Variants in EP300 observed in about 807,000 individuals in gnomAD.
EP300 encodes the protein histone acetyltransferase p300.
A neutral mutation model predicts 264.0 loss-of-function variants in EP300; 31 were observed. The observed-to-expected ratio is 0.12, with a 90% CI of 0.09 to 0.16. EP300 has a LOEUF of 0.16. EP300 is among the 10% of genes least tolerant of loss of function. The pLI is 1.00. For synonymous variants in EP300, 1,340 were observed against 1,045.4 expected (o/e 1.28, Z -5.44); for missense variants, 2,766 against 3,052.9 (o/e 0.91, Z 2.21).
intron 2 of EP300, among the ~76,000 whole-genome samples, chr22:41,119,841 G>A (rs1313474215): frequency 2.0e-5 from 3 of 152,110 alleles, no homozygotes; most frequent in Admixed American, 6.6e-5. Context: ...TTTTGAGACC[G>A]AGTCTTGCTG....
intron 1 of EP300, among the ~76,000 whole-genome samples, chr22:41,108,622 C>T (rs1265963984): frequency 2.6e-5 from 4 of 151,984 alleles, no homozygotes; most frequent in Non-Finnish European, 5.9e-5. Context: ...ACTCAGTGTA[C>T]ACTCAGATGA....
rs1486483455 is a variant in EP300 at position 41,179,034 on chromosome 22, G to T, written c.*78G>T. 5 of 1,557,244 alleles carry T rather than the reference G, an allele frequency of 3.2e-6. No homozygotes were observed. Among genetic ancestry groups the T allele is most frequent in the African/African-American group, 2.7e-5 (2 of 73,620 alleles). ...TTTTTGTACTGAAAACAATTTTTTTGAATCTTTCGTAGCCTAAAAGACAAT... is the reference window on the plus strand; with the variant it reads ...TTTTTGTACTGAAAACAATTTTTTTTAATCTTTCGTAGCCTAAAAGACAAT... On this transcript the variant is annotated 3_prime_UTR_variant, in exon 31 of 31. Coordinates refer to ENST00000263253, the MANE Select transcript of EP300 (RefSeq NM_001429.4).
intron 1 of EP300, among the ~76,000 whole-genome samples, chr22:41,104,586 G>A (rs1203519389): frequency 1.3e-5 from 2 of 151,894 alleles, no homozygotes; most frequent in Non-Finnish European, 2.9e-5. Context: ...CACCATGTCC[G>A]GCCTCATGTA....
At chr22:41,098,093 C>T (rs144348223) in intron 1 of EP300, among the ~76,000 whole-genome samples, 2,680 of 152,120 alleles carry the variant, frequency 0.018, 72 homozygotes, top group African/African-American at 0.062. Flanking sequence ...TGGTGTGCTG[C>T]ACCCATTAAC....
chr22:41,168,123 C>G (rs2059150792), intron 23 of EP300: 1 of 364,650 alleles, frequency 2.7e-6, no homozygotes, highest in South Asian at 2.2e-5. Flanking sequence ...CACCCGGCCC[C>G]TGTTCTGTAT....
intron 2 of EP300, among the ~76,000 whole-genome samples, chr22:41,123,968 G>A (rs889726895): frequency 2.0e-5 from 3 of 152,136 alleles, no homozygotes; most frequent in African/African-American, 7.2e-5. Flanking sequence ...TACAGAGGGA[G>A]CCGGCACAGT....
At position 41,179,073 on chromosome 22, in the gene EP300, C is replaced by A; in HGVS notation, c.*117C>A. ...CTAAAAGACAATTTTCCTTGGAACA[C>A]ATAAGAACTGTGCAGTAGCCGTTTG... On this transcript the variant is annotated 3_prime_UTR_variant, in exon 31 of 31. Transcript: ENST00000263253. The A allele has an allele frequency of 8.0e-7, 1 of 1,250,492 alleles. No homozygotes were observed. The highest frequency in any genetic ancestry group is 1.1e-6 in the Non-Finnish European group (1 of 891,092). 77.5% of individuals were successfully genotyped at this position (1,250,492 alleles called of 1,614,324 possible).
intron 23 of EP300, among the ~76,000 whole-genome samples, chr22:41,167,826 G>GT (rs1192332279): frequency 0.03 from 947 of 32,060 alleles, 177 homozygotes; most frequent in Non-Finnish European, 0.034. Context: ...TTTTTTTTTT[G>GT]TTTTTTTTTT....
At chr22:41,094,358 C>A (rs1265761622) in intron 1 of EP300, among the ~76,000 whole-genome samples, 1 of 152,158 alleles carries the variant, frequency 6.6e-6, no homozygotes, top group African/African-American at 2.4e-5. Flanking sequence ...TCTAAATAGG[C>A]TTCATTTCAG....
chr22:41,105,198 GAAAAAAAAAAA>G (rs764225630), intron 1 of EP300, among the ~76,000 whole-genome samples: 1 of 60,938 alleles, frequency 1.6e-5, no homozygotes. Flanking sequence ...CTCCATCTCA[GAAAAAAAAAAA>G]AAAAAAAAAA....
intron 22 of EP300, 84 bp from the exon 23 acceptor site, chr22:41,166,515 T>TC: frequency 9.3e-7 from 1 of 1,076,402 alleles, no homozygotes; most frequent in Non-Finnish European, 1.4e-6. Context: ...TTCTGCTAGA[T>TC]TGTCTTTTGA....
In EP300 at chr22:41,176,248, T is replaced by C. The variant is rs2145512015; in HGVS notation, c.4781T>C (p.Val1594Ala). The change falls in exon 30 of 31, where the codon GTC becomes GCC. Residue 1594 changes from valine to alanine, a missense_variant and splice_region_variant. Coordinates refer to ENST00000263253, the MANE Select transcript of EP300 (RefSeq NM_001429.4). Reference protein sequence around the residue: ...LYATMEKHKEVFFVIRLIAGP... With the variant: ...LYATMEKHKEAFFVIRLIAGP... Reference sequence around the variant, plus strand: ...AAAAAGAGACTGTCTGTTTTTCAGGTCTTCTTTGTGATCCGCCTCATTGCT... The same window carrying C: ...AAAAAGAGACTGTCTGTTTTTCAGGCCTTCTTTGTGATCCGCCTCATTGCT... 6.2e-7 allele frequency: 1 copy of C among 1,614,128 alleles called. No homozygotes were observed. The highest frequency in any genetic ancestry group is 8.5e-7 in the Non-Finnish European group (1 of 1,180,014).
At position 41,177,386 on chromosome 22, in the gene EP300, C is replaced by T. The variant is rs1416149846; in HGVS notation, c.5675C>T (p.Ala1892Val). 1.2e-6 allele frequency: 2 copies of T among 1,614,138 alleles called. No individual in the cohort carries two copies. The highest frequency in any genetic ancestry group is 1.1e-5 in the South Asian group (1 of 91,088). The stretch of plus-strand genomic sequence containing the variant: ...CCACCCTACTTGCCCAGGACTCAAG[C>T]TGCTGGCCCTGTGTCCCAGGGTAAG... ...SMPPYLPRTQ[A>V]AGPVSQGKAA... Residue 1892 changes from alanine to valine, a missense_variant, in exon 31 of 31, where the codon GCT becomes GTT. Coordinates refer to ENST00000263253, the MANE Select transcript of EP300 (RefSeq NM_001429.4).
intron 11 of EP300, among the ~76,000 whole-genome samples, 196 bp from the exon 12 acceptor site, chr22:41,147,641 G>A (rs1325537520): frequency 2.6e-5 from 4 of 152,182 alleles, no homozygotes; most frequent in Admixed American, 2.6e-4. Flanking sequence ...AGGAGGCTGA[G>A]GCAGGAGAAT....
chr22:41,135,366 A>G (rs1601609881), intron 6 of EP300, among the ~76,000 whole-genome samples: 1 of 152,064 alleles, frequency 6.6e-6, no homozygotes, highest in Non-Finnish European at 1.5e-5. Flanking sequence ...TCCTCTCATT[A>G]TATTATCTTG....
At chr22:41,155,227 A>ATT (rs878898787) in intron 17 of EP300, 114 bp downstream of exon 17, 66 of 766,066 alleles carry the variant, frequency 8.6e-5, no homozygotes, top group African/African-American at 2.7e-4. Flanking sequence ...TAATTCAGTG[A>ATT]TTTTTTTTTT....
At position 41,178,556 on chromosome 22, in the gene EP300, A is replaced by G. The variant is rs1601642042; in HGVS notation, c.6845A>G (p.Gln2282Arg). ...CAGCCCAACCCCATGAGCCCCCAGC[A>G]GCATATGCTCCCAAATCAGGCCCAG... Reference protein sequence around the residue: ...PVQPNPMSPQQHMLPNQAQSP... With the variant: ...PVQPNPMSPQRHMLPNQAQSP... The change falls in exon 31 of 31, where the codon CAG becomes CGG. Residue 2282 changes from glutamine (Q) to arginine (R), a missense_variant. Coordinates refer to ENST00000263253, the MANE Select transcript of EP300 (RefSeq NM_001429.4). The G allele has an allele frequency of 1.2e-6, 2 of 1,614,096 alleles. No individual in the cohort carries two copies. The highest frequency in any genetic ancestry group is 4.5e-5 in the East Asian group (2 of 44,874).
rs139796173 is a variant in EP300, at chr22:41,173,712, G to A, written c.4707G>A (p.Lys1569=). The A allele has an allele frequency of 2.0e-5, 32 of 1,614,070 alleles. No individual in the cohort carries two copies. The highest frequency in any genetic ancestry group is 2.6e-5 in the Non-Finnish European group (31 of 1,180,044). ...GCAGCCTGAGTAGGGGCAACAAGAA[G>A]AAACCCGGGATGCCCAATGTATCTA... ...NKSSLSRGNK[K]KPGMPNVSND... is the part of the protein sequence containing the mutation. The change falls in exon 29 of 31, where the codon AAG becomes AAA. Residue 1569 remains lysine (K), a synonymous_variant. Coordinates refer to ENST00000263253, the MANE Select transcript of EP300 (RefSeq NM_001429.4).
intron 21 of EP300, among the ~76,000 whole-genome samples, chr22:41,163,251 C>A (rs1352643329): frequency 1.4e-5 from 2 of 147,628 alleles, no homozygotes; most frequent in Non-Finnish European, 3.0e-5. Context: ...CCGGCTAAAA[C>A]GGTGAAACCC....
Sources: allele counts gnomAD v4.1 joint callset (sites outside exome capture counted in the v4.1 genomes callset), GRCh38; gene constraint gnomAD v4.1.1; transcripts MANE v1.5; gene names NCBI Gene and HGNC (gene_info 2026-07-23, HGNC 2026-07-21).